The following GSG1L variants were observed in gnomAD, a reference collection of about 807,000 sequenced individuals.
GSG1L encodes the protein GSG1 like.
Under a neutral mutation model 42.1 loss-of-function variants are expected in GSG1L, and 24 were observed. The ratio of observed to expected loss-of-function variants is 0.57; its 90% CI spans 0.41 to 0.80. The LOEUF (loss-of-function observed/expected upper bound fraction) is 0.80, where lower values mean the gene tolerates loss of function less well. Among genes scored for constraint, GSG1L ranks in the 30% least tolerant of loss-of-function variants. The probability of loss-of-function intolerance (pLI) is 0.00; values close to 1 mark genes in which losing one functional copy is unlikely to be tolerated. For missense variants in GSG1L, 445 were observed against 472.2 expected, an observed-to-expected ratio of 0.94 and a Z score of 0.53; for synonymous variants, 215 against 203.5, an observed-to-expected ratio of 1.06 and a Z score of -0.48.
intron 3 of GSG1L, among the ~76,000 whole-genome samples, chr16:27,872,255 G>A (rs56374604): frequency 0.017 from 2,529 of 152,256 alleles, 67 homozygotes; most frequent in African/African-American, 0.058. Context: ...GAAGTTACCA[G>A]CCTCATTCTC....
intron 2 of GSG1L, among the ~76,000 whole-genome samples, chr16:27,887,262 C>T (rs1028492628): frequency 6.6e-6 from 1 of 152,142 alleles, no homozygotes; most frequent in African/African-American, 2.4e-5. Flanking sequence ...GCCCTAGAAG[C>T]CTTCTATTTC....
rs960873525 is a variant in GSG1L, at chr16:28,063,041, C to T, written c.349+35G>A. On this transcript the variant is annotated intron_variant, in intron 1 of 6. Coordinates refer to ENST00000447459, the MANE Select transcript of GSG1L (RefSeq NM_001109763.2). The surrounding 1 kb of genome is among the most constrained non-coding windows in gnomAD (Gnocchi z 5.8). ...GATGGCCGCGCCGCCCCGGGGGAGC[C>T]GGAGCCGAGCTGGCCGCCGCCCGCG... 2.2e-6 allele frequency: 3 copies of T among 1,371,392 alleles called. No individual in the cohort carries two copies. The highest frequency in any genetic ancestry group is 6.0e-5 in the Admixed American group (2 of 33,158). 85.0% of individuals were successfully genotyped at this position (1,371,392 alleles called of 1,614,324 possible). A position where few individuals can be genotyped will look rare whatever the true frequency, so the allele number is the denominator to read the frequency against.
intron 1 of GSG1L, among the ~76,000 whole-genome samples, chr16:28,037,795 T>C (rs536117838): frequency 1.3e-5 from 2 of 152,338 alleles, no homozygotes; most frequent in Non-Finnish European, 2.9e-5. Flanking sequence ...ATCCTGTTTG[T>C]TCCCTCTTTG....
chr16:28,010,417 T>C (rs2085703296), intron 1 of GSG1L, among the ~76,000 whole-genome samples: 1 of 152,068 alleles, frequency 6.6e-6, no homozygotes, highest in African/African-American at 2.4e-5. Context: ...AAAAGGTACC[T>C]AGTCCCCAAG....
chr16:27,850,611 G>A (rs1403911441), intron 3 of GSG1L: 4 of 455,560 alleles, frequency 8.8e-6, no homozygotes, highest in Admixed American at 2.4e-5. Flanking sequence ...GAAAACCAGC[G>A]TGGAGTCTTC....
rs568583842 is a variant in GSG1L, at chr16:27,934,398, G to A, written c.397+28758C>T. 2.0e-5 allele frequency among the ~76,000 whole-genome samples: 3 copies of A among 152,314 alleles called. No individual in the cohort carries two copies. The East Asian group carries it at 5.8e-4, about 29-fold the overall frequency. On this transcript the variant is annotated intron_variant, in intron 2 of 6. Transcript: ENST00000447459. ...ATCTCTACAAAAATTAGCCAGGCAT[G>A]ATGGCAGGTGCCTGTAATCTCAGCT...
rs114200486 is a variant in GSG1L at position 28,035,709 on chromosome 16, C to T, written c.349+27367G>A. Among the ~76,000 whole-genome samples the T allele has an allele frequency of 9.7e-3, 1,476 of 152,290 alleles. 25 individuals are homozygous for T. The highest frequency in any genetic ancestry group is 0.033 in the African/African-American group (1,369 of 41,554). ...AAAGTTTTCCAGAGGCTGCAAATGA[C>T]AACTTAAGAATCAGAGATTTCCTCA... On this transcript the variant is annotated intron_variant, in intron 1 of 6. Coordinates refer to ENST00000447459, the MANE Select transcript of GSG1L (RefSeq NM_001109763.2).
intron 1 of GSG1L, among the ~76,000 whole-genome samples, chr16:28,049,092 C>A (rs2086195201): frequency 6.6e-6 from 1 of 151,960 alleles, no homozygotes; most frequent in Admixed American, 6.6e-5. Flanking sequence ...GTCTGGAAAG[C>A]AATTTTTACA....
chr16:27,915,957 C>A (rs973726231), intron 2 of GSG1L, among the ~76,000 whole-genome samples: 1 of 152,180 alleles, frequency 6.6e-6, no homozygotes, highest in Non-Finnish European at 1.5e-5. Flanking sequence ...ATTCCTGGTG[C>A]CTACCCAGGT....
At chr16:27,831,018 C>T (rs2083269631) in intron 4 of GSG1L, among the ~76,000 whole-genome samples, 1 of 152,256 alleles carries the variant, frequency 6.6e-6, no homozygotes, top group African/African-American at 2.4e-5. Flanking sequence ...ATGACCTCGG[C>T]TTGGCTAATG....
intron 1 of GSG1L, among the ~76,000 whole-genome samples, chr16:28,046,253 G>A (rs867530723): frequency 6.6e-6 from 1 of 151,414 alleles, no homozygotes; most frequent in East Asian, 1.9e-4. Flanking sequence ...GCCCAGCCAC[G>A]AGGCCATACA....
intron 1 of GSG1L, among the ~76,000 whole-genome samples, chr16:28,019,523 C>T (rs1049242058): frequency 1.3e-5 from 2 of 152,206 alleles, no homozygotes; most frequent in African/African-American, 4.8e-5. Context: ...TTCTTTGACA[C>T]CTATGGAGTC....
chr16:27,800,485 CG>C (rs753518974), intron 6 of GSG1L, among the ~76,000 whole-genome samples: 28 of 152,186 alleles, frequency 1.8e-4, no homozygotes, highest in Non-Finnish European at 3.7e-4. Context: ...AAACCTCAGT[CG>C]CCCCTGAAAG....
chr16:27,836,534 C>T (rs1373014415), intron 4 of GSG1L, among the ~76,000 whole-genome samples: 1 of 152,070 alleles, frequency 6.6e-6, no homozygotes, highest in African/African-American at 2.4e-5. Flanking sequence ...AGGCTCTGTA[C>T]ATTTTTTTAA....
At chr16:27,856,610 C>T (rs937160470) in intron 3 of GSG1L, among the ~76,000 whole-genome samples, 7 of 152,254 alleles carry the variant, frequency 4.6e-5, no homozygotes, top group African/African-American at 1.7e-4. Context: ...TCGCTCCCGG[C>T]TCCTCACGAA....
intron 1 of GSG1L, among the ~76,000 whole-genome samples, chr16:28,048,595 A>G (rs1473943146): frequency 6.6e-6 from 1 of 152,150 alleles, no homozygotes; most frequent in Non-Finnish European, 1.5e-5. Flanking sequence ...CTACTAAATT[A>G]TTCTTGGATC....
At chr16:27,985,626 C>T (rs569295418) in intron 1 of GSG1L, among the ~76,000 whole-genome samples, 1 of 152,006 alleles carries the variant, frequency 6.6e-6, no homozygotes, top group South Asian at 2.1e-4. Flanking sequence ...GGCAGATCAC[C>T]TGAGGTCGGG....
intron 3 of GSG1L, among the ~76,000 whole-genome samples, chr16:27,864,019 C>T (rs1045504708): frequency 3.3e-5 from 5 of 152,196 alleles, no homozygotes; most frequent in African/African-American, 4.8e-5. Flanking sequence ...CTGTCTCTTC[C>T]TCTCTCAAGC....
intron 1 of GSG1L, among the ~76,000 whole-genome samples, chr16:28,049,770 T>C (rs548694800): frequency 1.9e-4 from 29 of 152,144 alleles, no homozygotes; most frequent in Admixed American, 3.9e-4. Flanking sequence ...AATCCTCCCC[T>C]GTACTCCCCC....
Sources: gnomAD v4.1 joint callset for allele counts (sites outside exome capture counted in the v4.1 genomes callset) on GRCh38, gnomAD v4.1.1 for gene constraint, Gnocchi (gnomAD v3.1) non-coding constraint, MANE v1.5 for transcripts, NCBI Gene and HGNC (gene_info 2026-07-23, HGNC 2026-07-21) for gene names.